Variants in SPON1 observed in about 807,000 individuals in gnomAD.
SPON1 encodes spondin-1.
SPON1 carries 52 observed loss-of-function variants against 111.7 expected under a neutral mutation model. The observed-to-expected ratio is 0.47, with a 90% confidence interval of 0.37 to 0.59. SPON1 has a LOEUF of 0.59. Among genes scored for constraint, SPON1 ranks in the 20% least tolerant of loss-of-function variants. The pLI, the probability that SPON1 is intolerant of heterozygous loss-of-function variation, is 0.00. For synonymous variants in SPON1, 410 were observed against 395.8 expected (o/e 1.04, Z -0.43); for missense variants, 957 against 1,068.5 (o/e 0.90, Z 1.46).
At chr11:14,229,916 CTG>C (rs1337956532) in intron 6 of SPON1, among the ~76,000 whole-genome samples, 8 of 150,834 alleles carry the variant, frequency 5.3e-5, no homozygotes, top group Non-Finnish European at 1.0e-4. Flanking sequence ...AGAGGCCAGC[CTG>C]TGTGTGTGTG....
intron 6 of SPON1, among the ~76,000 whole-genome samples, chr11:14,146,293 G>T (rs1346338051): frequency 1.3e-5 from 2 of 151,940 alleles, no homozygotes; most frequent in Admixed American, 1.3e-4. Context: ...GGGATTACAG[G>T]TGCCCACCAC....
At chr11:14,026,218 C>T (rs1250552290) in intron 2 of SPON1, among the ~76,000 whole-genome samples, 9 of 152,206 alleles carry the variant, frequency 5.9e-5, no homozygotes, top group African/African-American at 2.2e-4. Context: ...GCATTCTCTT[C>T]AGATATTTGA....
chr11:13,962,742 G>A lies in SPON1; in HGVS notation c.-163G>A. 1 of 629,170 alleles carries A rather than the reference G, an allele frequency of 1.6e-6. No homozygotes were observed. Among genetic ancestry groups the A allele is most frequent in the Non-Finnish European group, 2.6e-6 (1 of 392,146 alleles). 39.0% of individuals were successfully genotyped at this position (629,170 alleles called of 1,614,324 possible). On this transcript the variant is annotated 5_prime_UTR_variant, in exon 1 of 16. Transcript: ENST00000576479. ...CAGCTCAGCTCAGCGCAGCTCCGCG[G>A]CCGCCAAGCCGAGGCGGGCACGGTC...
At chr11:14,095,485 T>G (rs1376548981) in intron 5 of SPON1, among the ~76,000 whole-genome samples, 1 of 152,058 alleles carries the variant, frequency 6.6e-6, no homozygotes, top group Non-Finnish European at 1.5e-5. Context: ...CTCACATGAT[T>G]ATGGAGGCTG....
intron 2 of SPON1, among the ~76,000 whole-genome samples, chr11:14,035,644 GTC>G: frequency 1.4e-5 from 1 of 73,976 alleles, no homozygotes; most frequent in South Asian, 8.4e-4. Context: ...TTAAGACAGG[GTC>G]TCACTCTGTC....
At chr11:14,239,933 T>C (rs1421709031) in intron 6 of SPON1, among the ~76,000 whole-genome samples, 1 of 152,114 alleles carries the variant, frequency 6.6e-6, no homozygotes, top group East Asian at 1.9e-4. Flanking sequence ...GTACAGACAT[T>C]TGGAGGGCAA....
intron 6 of SPON1, among the ~76,000 whole-genome samples, chr11:14,219,094 C>T (rs1225983814): frequency 6.6e-6 from 1 of 152,150 alleles, no homozygotes; most frequent in African/African-American, 2.4e-5. Context: ...GAAAGCCATC[C>T]TGCTCACCAC....
intron 6 of SPON1, among the ~76,000 whole-genome samples, chr11:14,148,366 C>T (rs553285649): frequency 4.6e-5 from 7 of 151,972 alleles, no homozygotes; most frequent in Non-Finnish European, 7.4e-5. Flanking sequence ...TAAGAGATTG[C>T]GGAAAACGAA....
Position 14,041,509 on chromosome 11 carries a change from G to C in SPON1, c.346-12G>C. ...ATGTTGCATGTATTTATTTCCCACT[G>C]GTTTTCCGTAGATCATAGACGAAGA... On this transcript the variant is annotated splice_polypyrimidine_tract_variant and intron_variant, in intron 2 of 15. Coordinates refer to ENST00000576479, the MANE Select transcript of SPON1 (RefSeq NM_006108.4). The C allele has an allele frequency of 6.2e-7, 1 of 1,613,392 alleles. No homozygotes were observed. Among genetic ancestry groups the C allele is most frequent in the South Asian group, 1.1e-5 (1 of 91,018 alleles).
chr11:14,136,281 C>T (rs1357571238), intron 6 of SPON1, among the ~76,000 whole-genome samples: 4 of 152,186 alleles, frequency 2.6e-5, no homozygotes, highest in African/African-American at 4.8e-5. Flanking sequence ...CAGCTTTAGC[C>T]ATCACTACCC....
chr11:14,252,648 C>T (rs111741367), intron 7 of SPON1, among the ~76,000 whole-genome samples: 2 of 143,250 alleles, frequency 1.4e-5, no homozygotes, highest in Non-Finnish European at 1.5e-5. Context: ...AAGACCTGCG[C>T]AGAGTGTGGG....
intron 6 of SPON1, among the ~76,000 whole-genome samples, chr11:14,190,632 CTTTTTCTTTTTCT>C (rs1848335456): frequency 7.3e-6 from 1 of 137,110 alleles, no homozygotes; most frequent in Non-Finnish European, 1.6e-5. Context: ...CTTTTCTTTT[CTTTTTCTTTTTCT>C]TTTTTTTTTT....
chr11:14,214,242 G>A (rs573952500), intron 6 of SPON1, among the ~76,000 whole-genome samples: 2 of 152,298 alleles, frequency 1.3e-5, no homozygotes, highest in East Asian at 3.9e-4. Flanking sequence ...TCCCTAGCCG[G>A]ATCAAATCTT....
chr11:14,045,005 T>G (rs1848657844), intron 3 of SPON1, among the ~76,000 whole-genome samples: 1 of 152,234 alleles, frequency 6.6e-6, no homozygotes, highest in East Asian at 1.9e-4. Flanking sequence ...ATCCTGAAAC[T>G]TGCCTATTGA....
intron 4 of SPON1, among the ~76,000 whole-genome samples, chr11:14,078,521 T>C (rs1268546000): frequency 6.6e-6 from 1 of 152,176 alleles, no homozygotes; most frequent in Non-Finnish European, 1.5e-5. Flanking sequence ...AAAAAAGTTT[T>C]CTCTCTTTCC....
At chr11:13,964,665 G>A (rs1483876931) in intron 1 of SPON1, among the ~76,000 whole-genome samples, 1 of 152,202 alleles carries the variant, frequency 6.6e-6, no homozygotes, top group Non-Finnish European at 1.5e-5. Flanking sequence ...AAGATTCTGG[G>A]CGGAGAACAC....
At chr11:14,184,385 A>G (rs545865215) in intron 6 of SPON1, among the ~76,000 whole-genome samples, 3 of 152,340 alleles carry the variant, frequency 2.0e-5, no homozygotes, top group South Asian at 4.1e-4. Flanking sequence ...TTGTGGAATG[A>G]GGCAAGAGAT....
At chr11:14,175,743 T>G (rs181602092) in intron 6 of SPON1, among the ~76,000 whole-genome samples, 3 of 152,288 alleles carry the variant, frequency 2.0e-5, no homozygotes, top group African/African-American at 7.2e-5. Flanking sequence ...CTCTGCAGTT[T>G]CCAGAAGAAC....
chr11:14,050,481 A>G (rs1277853865), intron 3 of SPON1, among the ~76,000 whole-genome samples: 15 of 152,248 alleles, frequency 9.9e-5, no homozygotes, highest in Admixed American at 9.8e-4. Flanking sequence ...TGTCCTGCAA[A>G]GCCTGAAATA....
Sources: gnomAD v4.1 joint callset for allele counts (sites outside exome capture counted in the v4.1 genomes callset) on GRCh38, gnomAD v4.1.1 for gene constraint, MANE v1.5 for transcripts, NCBI Gene and HGNC (gene_info 2026-07-23, HGNC 2026-07-21) for gene names.